AKAP9: variants seen among roughly 807,000 people sequenced by gnomAD.
AKAP9 encodes A-kinase anchor protein 9.
In AKAP9, 311 loss-of-function variants were observed where a neutral mutation model predicts 488.5. The ratio of observed to expected loss-of-function variants is 0.64; its 90% CI spans 0.58 to 0.70. The LOEUF is 0.70. Ranked by LOEUF, AKAP9 falls within the 30% of genes least tolerant of loss-of-function variation. The pLI, the probability that AKAP9 is intolerant of heterozygous loss-of-function variation, is 0.00. For missense variants in AKAP9, 4,215 were observed against 4,374.5 expected (o/e 0.96, Z 1.03); for synonymous variants, 1,462 against 1,483.5 (o/e 0.99, Z 0.33).
chr7:91,958,336 A>C (rs180809777), intron 1 of AKAP9, among the ~76,000 whole-genome samples: 1 of 152,352 alleles, frequency 6.6e-6, no homozygotes. Context: ...TTTGTTACAA[A>C]TATACCTTGC....
intron 27 of AKAP9, 101 bp downstream of exon 27, chr7:92,070,307 T>C: frequency 8.0e-7 from 1 of 1,255,624 alleles, no homozygotes; most frequent in South Asian, 1.2e-5. Flanking sequence ...TGTTTATATC[T>C]CTGTTGACAT....
At chr7:92,107,619 G>C (rs1818722777) in intron 48 of AKAP9, 197 bp downstream of exon 48, 2 of 523,746 alleles carry the variant, frequency 3.8e-6, no homozygotes, top group Non-Finnish European at 6.8e-6. Flanking sequence ...GGCAGATCAT[G>C]AGGTCAGGAG....
intron 21 of AKAP9, among the ~76,000 whole-genome samples, chr7:92,045,430 G>A (rs183300293): frequency 6.6e-6 from 1 of 152,240 alleles, no homozygotes; most frequent in Admixed American, 6.5e-5. Context: ...ACCCAGGGTT[G>A]CCACAGTGCC....
At chr7:92,023,741 C>T (rs1372078111) in intron 14 of AKAP9, among the ~76,000 whole-genome samples, 2 of 152,064 alleles carry the variant, frequency 1.3e-5, no homozygotes, top group Non-Finnish European at 2.9e-5. Flanking sequence ...ATGATGAGTA[C>T]CCATTACTTT....
rs1805556223 is a variant in AKAP9 at position 92,038,617 on chromosome 7, G to A, written c.4537G>A (p.Glu1513Lys). 6.2e-7 allele frequency: 1 copy of A among 1,613,674 alleles called. No individual in the cohort carries two copies. Among genetic ancestry groups the A allele is most frequent in the Non-Finnish European group, 8.5e-7 (1 of 1,179,830 alleles). The change falls in exon 17 of 50, where the codon GAA becomes AAA. Residue 1513 changes from glutamate (E) to lysine (K), a missense_variant. Around this residue, in one of 5 missense-constraint regions of AKAP9, gnomAD observed 2,361 missense variants for 2,430.0 expected, o/e 0.97. Transcript: ENST00000356239. ...GACAGTGGATGTGAAATTTAAAGAA[G>A]AATTTAAACCACTTAGTAAAGAGTT... The part of the protein sequence containing the change: ...FETVDVKFKE[E>K]FKPLSKELGE...
intron 5 of AKAP9, 44 bp downstream of exon 5, chr7:91,993,099 C>G: frequency 1.9e-6 from 3 of 1,607,556 alleles, no homozygotes; most frequent in Non-Finnish European, 2.6e-6. Context: ...CTCACAAAAA[C>G]AAAAACAGGA....
chr7:92,019,174 C>G (rs1334155907), intron 12 of AKAP9, among the ~76,000 whole-genome samples: 1 of 151,604 alleles, frequency 6.6e-6, no homozygotes, highest in Admixed American at 6.6e-5. Flanking sequence ...CAGAGTCTTA[C>G]TCTGTTGCCC....
At chr7:92,039,529 A>T (rs1358350841) in intron 17 of AKAP9, among the ~76,000 whole-genome samples, 1 of 152,218 alleles carries the variant, frequency 6.6e-6, no homozygotes, top group Non-Finnish European at 1.5e-5. Context: ...CTTATTTATT[A>T]ATAGAAGATC....
chr7:92,106,540 G>A (rs921665611), intron 47 of AKAP9, among the ~76,000 whole-genome samples: 1 of 152,136 alleles, frequency 6.6e-6, no homozygotes, highest in African/African-American at 2.4e-5. Context: ...GGAAGAATTA[G>A]GAAGTTTTCA....
Position 92,096,902 on chromosome 7 carries a change from A to G in AKAP9, c.9943A>G (p.Thr3315Ala), listed in dbSNP as rs747162821. 1.0e-4 allele frequency: 168 copies of G among 1,614,066 alleles called. No individual in the cohort carries two copies. Among genetic ancestry groups the G allele is most frequent in the Non-Finnish European group, 1.3e-4 (154 of 1,180,046 alleles). ...AGTTCGAATTCGGGAAATGAGTAGT[A>G]CCCTAGATAGGGAGCGGGAATTGCA... Reference protein sequence around the residue: ...EKVRIREMSSTLDRERELHAQ... With the variant: ...EKVRIREMSSALDRERELHAQ... The change falls in exon 41 of 50, where the codon ACC becomes GCC. Residue 3315 changes from threonine (T) to alanine (A), a missense_variant. Transcript: ENST00000356239.
chr7:91,962,130 GT>G (rs1793806138), intron 1 of AKAP9, among the ~76,000 whole-genome samples: 1 of 152,124 alleles, frequency 6.6e-6, no homozygotes, highest in African/African-American at 2.4e-5. Flanking sequence ...CATCATTTCA[GT>G]ATAAGATGAT....
rs770483120 is a variant in AKAP9 at position 92,107,323 on chromosome 7, C to A, written c.11447C>A (p.Ser3816Tyr). 1 of 1,613,818 alleles carries A rather than the reference C, an allele frequency of 6.2e-7. No homozygotes were observed. The highest frequency in any genetic ancestry group is 1.3e-5 in the African/African-American group (1 of 74,982). Residue 3816 changes from serine (S) to tyrosine (Y), a missense_variant, in exon 48 of 50, where the codon TCT becomes TAT. Around this residue, in one of 5 missense-constraint regions of AKAP9, gnomAD observed 253 missense variants for 266.8 expected, o/e 0.95. Transcript: ENST00000356239. ...GAEKTDSFYH[S>Y]SGGLELYGEP... ...GAAAAGACTGACTCATTTTATCATT[C>A]TTCTGGTGGGCTGGAGTTATATGGA...
chr7:92,005,704 C>T (rs1304314869), intron 8 of AKAP9, among the ~76,000 whole-genome samples: 1 of 152,132 alleles, frequency 6.6e-6, no homozygotes, highest in African/African-American at 2.4e-5. Context: ...CTCACTCTGT[C>T]ACCCGGGCTG....
chr7:92,019,811 C>T (rs1160051064), intron 12 of AKAP9, among the ~76,000 whole-genome samples: 1 of 151,692 alleles, frequency 6.6e-6, no homozygotes, highest in Non-Finnish European at 1.5e-5. Context: ...ATTTGGAGAC[C>T]AGCCTGGCCA....
chr7:92,107,934 G>A (rs764821381), intron 48 of AKAP9: 25 of 170,508 alleles, frequency 1.5e-4, no homozygotes, highest in East Asian at 1.6e-4. Flanking sequence ...CAGGAGAATC[G>A]CTTGAACTCA....
In AKAP9 at chr7:91,994,663, A is replaced by T; in HGVS notation, c.619A>T (p.Ile207Leu). The T allele has an allele frequency of 6.2e-7, 1 of 1,613,420 alleles. No homozygotes were observed. Among genetic ancestry groups the T allele is most frequent in the South Asian group, 1.1e-5 (1 of 90,934 alleles). ...EAAIKQRDGIITQLTANLQQA... is the reference protein window; with the variant it reads ...EAAIKQRDGILTQLTANLQQA... ...TGCCATTAAACAAAGAGATGGCATT[A>T]TAACCCAGCTCACTGCTAATTTACA... Residue 207 changes from isoleucine (I) to leucine (L), a missense_variant, in exon 6 of 50, where the codon ATA becomes TTA. By Grantham distance (5) the Ile-to-Leu change is conservative. Around this residue, in one of 5 missense-constraint regions of AKAP9, gnomAD observed 2,361 missense variants for 2,430.0 expected, o/e 0.97. Transcript: ENST00000356239.
intron 40 of AKAP9, among the ~76,000 whole-genome samples, chr7:92,095,462 A>G (rs1006636932): frequency 7.2e-5 from 11 of 152,178 alleles, no homozygotes; most frequent in East Asian, 1.9e-4. Context: ...AAATATGGCA[A>G]TCCTGTCAGT....
intron 44 of AKAP9, among the ~76,000 whole-genome samples, chr7:92,100,356 A>G (rs979267144): frequency 4.6e-5 from 7 of 152,242 alleles, no homozygotes; most frequent in Admixed American, 3.9e-4. Context: ...AAATTTTTCC[A>G]TTTAAAAACA....
intron 16 of AKAP9, among the ~76,000 whole-genome samples, chr7:92,034,428 C>T (rs1804812375): frequency 6.7e-6 from 1 of 150,054 alleles, no homozygotes; most frequent in Admixed American, 6.7e-5. Context: ...ACAGCAAGGG[C>T]TCACACTTCC....
Sources: allele counts gnomAD v4.1 joint callset (sites outside exome capture counted in the v4.1 genomes callset), GRCh38; gene constraint gnomAD v4.1.1; regional missense constraint gnomAD v4.1.1; transcripts MANE v1.5; gene names NCBI Gene and HGNC (gene_info 2026-07-23, HGNC 2026-07-21).